Variants in ALK observed in about 807,000 individuals in gnomAD.
The protein encoded by ALK is ALK receptor tyrosine kinase, also known as ALK tyrosine kinase receptor.
Under a neutral mutation model 163.1 loss-of-function variants are expected in ALK, and 74 were observed. The ratio of observed to expected loss-of-function variants is 0.45; its 90% CI spans 0.38 to 0.55. ALK has a LOEUF of 0.55. Among genes scored for constraint, ALK ranks in the 20% least tolerant of loss-of-function variants. ALK has a pLI of 0.00. For synonymous variants in ALK, 960 were observed against 843.2 expected (o/e 1.14, Z -2.40); for missense variants, 2,063 against 2,105.3 (o/e 0.98, Z 0.39).
chr2:29,794,644 A>C (rs1322161475), intron 1 of ALK, among the ~76,000 whole-genome samples: 1 of 152,160 alleles, frequency 6.6e-6, no homozygotes, highest in Non-Finnish European at 1.5e-5. Context: ...ATATTTTTGT[A>C]TCTCAGGGAA....
chr2:29,780,024 A>G (rs1681289772), intron 1 of ALK, among the ~76,000 whole-genome samples: 1 of 152,250 alleles, frequency 6.6e-6, no homozygotes, highest in African/African-American at 2.4e-5. Context: ...AATAACCAGC[A>G]TCATTGTGGA....
chr2:29,279,871 GA>G (rs1665661217), intron 9 of ALK, among the ~76,000 whole-genome samples: 3 of 152,242 alleles, frequency 2.0e-5, no homozygotes, highest in African/African-American at 7.2e-5. Context: ...GCCACTTTGG[GA>G]TTGAGGGAAA....
intron 12 of ALK, among the ~76,000 whole-genome samples, chr2:29,244,380 G>A (rs76565679): frequency 0.019 from 2,944 of 152,270 alleles, 35 homozygotes; most frequent in Middle Eastern, 0.031. Flanking sequence ...CTTGGTCAGC[G>A]GGAGATTTCT....
intron 1 of ALK, among the ~76,000 whole-genome samples, chr2:29,767,580 T>C (rs1440913607): frequency 1.3e-5 from 2 of 152,228 alleles, no homozygotes; most frequent in African/African-American, 2.4e-5. Flanking sequence ...GAGGGCCTAA[T>C]GGAAGATACA....
intron 3 of ALK, among the ~76,000 whole-genome samples, chr2:29,544,988 A>G (rs962101194): frequency 6.6e-6 from 1 of 152,216 alleles, no homozygotes; most frequent in East Asian, 1.9e-4. Flanking sequence ...TGTCCAGTAG[A>G]ACACTCACTG....
chr2:29,769,298 T>A (rs1268463279), intron 1 of ALK, among the ~76,000 whole-genome samples: 1 of 152,192 alleles, frequency 6.6e-6, no homozygotes, highest in African/African-American at 2.4e-5. Flanking sequence ...ATTTTTCCCA[T>A]CAGTCTGTAG....
chr2:29,579,354 C>T (rs1674613269), intron 3 of ALK, among the ~76,000 whole-genome samples: 1 of 152,168 alleles, frequency 6.6e-6, no homozygotes, highest in South Asian at 2.1e-4. Flanking sequence ...ATCAACTTGC[C>T]ATGAAAAATA....
intron 1 of ALK, among the ~76,000 whole-genome samples, chr2:29,798,871 G>A (rs1157464178): frequency 6.6e-6 from 1 of 152,222 alleles, no homozygotes; most frequent in Non-Finnish European, 1.5e-5. Context: ...GGGAAAGAAT[G>A]GAGAGGTCAT....
intron 1 of ALK, among the ~76,000 whole-genome samples, chr2:29,797,198 T>A (rs1664340986): frequency 6.6e-6 from 1 of 152,194 alleles, no homozygotes; most frequent in Admixed American, 6.5e-5. Flanking sequence ...AGCTCTCTGC[T>A]CATAACTTCC....
At chr2:29,270,141 A>G (rs1665343916) in intron 11 of ALK, among the ~76,000 whole-genome samples, 1 of 152,242 alleles carries the variant, frequency 6.6e-6, no homozygotes, top group Admixed American at 6.5e-5. Context: ...TTCAGTAATG[A>G]AAGAGAGATC....
intron 4 of ALK, among the ~76,000 whole-genome samples, chr2:29,439,248 T>C (rs1040288987): frequency 3.3e-5 from 5 of 152,184 alleles, no homozygotes; most frequent in Non-Finnish European, 5.9e-5. Flanking sequence ...CAGGTGACAA[T>C]TGTCAAGGAC....
chr2:29,216,781 T>C (rs2148162312), intron 23 of ALK, among the ~76,000 whole-genome samples: 1 of 151,756 alleles, frequency 6.6e-6, no homozygotes, highest in Middle Eastern at 3.4e-3. Context: ...GTGAGGTGTG[T>C]GTGGTGTGTA....
chr2:29,424,303 T>C (rs1339746658), intron 4 of ALK, among the ~76,000 whole-genome samples: 2 of 152,158 alleles, frequency 1.3e-5, no homozygotes, highest in Non-Finnish European at 2.9e-5. Context: ...AACCTAAAAA[T>C]AGCCAAACTG....
intron 1 of ALK, among the ~76,000 whole-genome samples, chr2:29,808,337 T>G (rs1268334003): frequency 6.6e-6 from 1 of 152,108 alleles, no homozygotes; most frequent in Non-Finnish European, 1.5e-5. Context: ...AAAGGCAGCC[T>G]CGTCTGAAAA....
chr2:29,819,694 C>T (rs1007769809), intron 1 of ALK, among the ~76,000 whole-genome samples: 13 of 152,324 alleles, frequency 8.5e-5, no homozygotes, highest in Admixed American at 6.5e-5. Flanking sequence ...AAACTCAGAG[C>T]TGTTGCATGT....
At chr2:29,517,719 T>C (rs182163554) in intron 4 of ALK, among the ~76,000 whole-genome samples, 4 of 152,364 alleles carry the variant, frequency 2.6e-5, no homozygotes, top group Admixed American at 2.0e-4. Context: ...ATTGCAGCCT[T>C]GCTTTTTCAC....
At chr2:29,345,514 G>A (rs1221440481) in intron 5 of ALK, among the ~76,000 whole-genome samples, 1 of 151,922 alleles carries the variant, frequency 6.6e-6, no homozygotes, top group East Asian at 1.9e-4. Context: ...ACATACTGCT[G>A]GTGAGAAGGT....
chr2:29,209,201 A>T (rs1271740447), intron 25 of ALK, among the ~76,000 whole-genome samples: 1 of 152,186 alleles, frequency 6.6e-6, no homozygotes, highest in Non-Finnish European at 1.5e-5. Context: ...CCCATGTCTC[A>T]GAGCATGGCC....
At chr2:29,907,841 T>G (rs2148435471) in intron 1 of ALK, among the ~76,000 whole-genome samples, 1 of 152,320 alleles carries the variant, frequency 6.6e-6, no homozygotes, top group African/African-American at 2.4e-5. Context: ...GATGCCACAC[T>G]AGAATTATTG....
Sources: gnomAD v4.1 joint callset for allele counts (sites outside exome capture counted in the v4.1 genomes callset) on GRCh38, gnomAD v4.1.1 for gene constraint, MANE v1.5 for transcripts, NCBI Gene and HGNC (gene_info 2026-07-23, HGNC 2026-07-21) for gene names.